KLHDC4: variants seen among roughly 807,000 people sequenced by gnomAD.
KLHDC4 encodes the protein kelch domain-containing protein 4.
A neutral mutation model predicts 62.4 loss-of-function variants in KLHDC4; 90 were observed. That is an observed-to-expected ratio of 1.44 (90% CI 1.22 to 1.72). The LOEUF is 1.72. KLHDC4 is among the 40% of genes most tolerant of loss of function. The pLI, the probability that KLHDC4 is intolerant of heterozygous loss-of-function variation, is 0.00. For synonymous variants in KLHDC4, 386 were observed against 284.4 expected, an observed-to-expected ratio of 1.36 and a Z score of -3.59; for missense variants, 1,025 against 699.7, an observed-to-expected ratio of 1.47 and a Z score of -5.25.
intron 1 of KLHDC4, among the ~76,000 whole-genome samples, chr16:87,762,939 C>G (rs1314890597): frequency 1.3e-5 from 2 of 152,198 alleles, no homozygotes; most frequent in Non-Finnish European, 2.9e-5. Flanking sequence ...TGGCCTCACT[C>G]TCCAAGATAC....
At chr16:87,715,351 C>G (rs1396947547) in intron 7 of KLHDC4, among the ~76,000 whole-genome samples, 1 of 152,204 alleles carries the variant, frequency 6.6e-6, no homozygotes, top group African/African-American at 2.4e-5. Context: ...CACCAATGTC[C>G]TCCCAGCATG....
intron 5 of KLHDC4, among the ~76,000 whole-genome samples, chr16:87,744,498 G>C (rs2042732738): frequency 6.6e-6 from 1 of 151,612 alleles, no homozygotes; most frequent in African/African-American, 2.4e-5. Flanking sequence ...CACAAGAATG[G>C]CTTGAACCAG....
rs141988753 is a variant in KLHDC4, at chr16:87,711,226, T to C, written c.1044+9A>G. On this transcript the variant is annotated intron_variant, in intron 9 of 11. Coordinates refer to ENST00000270583, the MANE Select transcript of KLHDC4 (RefSeq NM_017566.4). ...CACCACGGCGCATGCTACTCAGAGG[T>C]TGCACTACCTTCAGCTGTCCCTCAA... 312 of 1,613,730 alleles carry C rather than the reference T, an allele frequency of 1.9e-4. 1 individual carries two copies. The African/African-American group carries it at 3.7e-3, about 19-fold the overall frequency.
rs867706736 is a variant in KLHDC4, at chr16:87,718,306, C to T, written c.760-3733G>A. ...CTCGCTCTCCCTCTCCCTCTCCCTC[C>T]CCCTCTCCCTCCCCCTCCCTCTCCC... On this transcript the variant is annotated intron_variant, in intron 7 of 11. Coordinates refer to ENST00000270583, the MANE Select transcript of KLHDC4 (RefSeq NM_017566.4). Among the ~76,000 whole-genome samples, 93 of 85,078 alleles carry T rather than the reference C, an allele frequency of 1.1e-3. 1 individual carries two copies. Among genetic ancestry groups the T allele is most frequent in the African/African-American group, 2.5e-3 (47 of 18,870 alleles). 55.8% of individuals were successfully genotyped at this position (85,078 alleles called of 152,430 possible).
At position 87,748,767 on chromosome 16, in the gene KLHDC4, C is replaced by T. The variant is rs1567796313; in HGVS notation, c.412G>A (p.Gly138Arg). The change falls in exon 5 of 12, where the codon GGA (glycine) becomes AGA (arginine). Residue 138 changes from glycine (G) to arginine (R), a missense_variant. Coordinates refer to ENST00000270583, the MANE Select transcript of KLHDC4 (RefSeq NM_017566.4). ...CCGTTGGGAGAGGCAAACTCCCCTC[C>T]AAAGACCCACAGCTGTCCGCCACCT... ...PQGGGQLWVF[G>R]GEFASPNGEQ... The T allele has an allele frequency of 2.5e-6, 4 of 1,613,222 alleles. No individual in the cohort carries two copies. The South Asian group carries it at 4.4e-5, about 18-fold the overall frequency.
At chr16:87,715,654 C>A (rs1285803443) in intron 7 of KLHDC4, among the ~76,000 whole-genome samples, 2 of 152,160 alleles carry the variant, frequency 1.3e-5, no homozygotes, top group Non-Finnish European at 1.5e-5. Flanking sequence ...TCTCATTAGA[C>A]TGGGGTTATG....
chr16:87,748,740 C>G lies in KLHDC4; in HGVS notation c.439G>C (p.Glu147Gln). The part of the protein sequence containing the change: ...FGGEFASPNG[E>Q]QFYHYKDLWV... ...AGATCCTTGTAGTGGTAGAACTGCT[C>G]TCCGTTGGGAGAGGCAAACTCCCCT... The change falls in exon 5 of 12, where the codon GAG (glutamate) becomes CAG (glutamine). Residue 147 changes from glutamate to glutamine, a missense_variant. Transcript: ENST00000270583. The G allele has an allele frequency of 6.2e-7, 1 of 1,613,548 alleles. No homozygotes were observed.
At chr16:87,736,922 C>T (rs898650279) in intron 5 of KLHDC4, among the ~76,000 whole-genome samples, 5 of 151,350 alleles carry the variant, frequency 3.3e-5, no homozygotes, top group African/African-American at 4.9e-5. Flanking sequence ...GTCAGGAGTT[C>T]GAGACCAGCC....
chr16:87,752,089 CAAAAAAAAAAAA>C (rs1173625123), intron 4 of KLHDC4, among the ~76,000 whole-genome samples: 5 of 29,462 alleles, frequency 1.7e-4, no homozygotes, highest in African/African-American at 1.7e-4. Context: ...GACTTTGTCT[CAAAAAAAAAAAA>C]AAAAAAAAAA....
chr16:87,746,819 T>C (rs2043108949), intron 5 of KLHDC4, among the ~76,000 whole-genome samples: 1 of 152,230 alleles, frequency 6.6e-6, no homozygotes, highest in Non-Finnish European at 1.5e-5. Flanking sequence ...AAAAGTCTAA[T>C]AGCTTCTACA....
Position 87,756,482 on chromosome 16 carries a change from A to G in KLHDC4, c.192-5T>C. On this transcript the variant is annotated splice_region_variant and splice_polypyrimidine_tract_variant and intron_variant, in intron 2 of 11. Transcript: ENST00000270583. ...ACCGAGAGGGAGGCATTTAACCTAC[A>G]AGACACACAAGCGGCAGGTCAGCAA... is the stretch of plus-strand genomic sequence containing the variant. The G allele has an allele frequency of 3.7e-6, 6 of 1,612,140 alleles. No homozygotes were observed. The highest frequency in any genetic ancestry group is 1.7e-5 in the Admixed American group (1 of 59,990).
chr16:87,720,727 G>T (rs753242547), intron 7 of KLHDC4, among the ~76,000 whole-genome samples: 2 of 152,238 alleles, frequency 1.3e-5, no homozygotes, highest in Non-Finnish European at 2.9e-5. Flanking sequence ...GTCGGTTACG[G>T]TTAGCATCAC....
intron 5 of KLHDC4, among the ~76,000 whole-genome samples, chr16:87,739,598 G>A (rs112294107): frequency 2.6e-5 from 3 of 116,042 alleles, no homozygotes; most frequent in East Asian, 2.8e-4. Flanking sequence ...ACACCAGCAC[G>A]TCATCCATCC....
rs201340941 is a variant in KLHDC4 at position 87,726,856 on chromosome 16, G to A, written c.668C>T (p.Pro223Leu). ...TCTGGGTGTGGGCCCCGTCCCTGAC[G>A]GGGACAGCTTGCTCCATGTGAAGGT... is the stretch of plus-strand genomic sequence containing the variant. ...LDTFTWSKLSPSGTGPTPRSG... is the reference protein window; with the variant it reads ...LDTFTWSKLSLSGTGPTPRSG... The change falls in exon 7 of 12, where the codon CCG (proline) becomes CTG (leucine). Residue 223 changes from proline to leucine, a missense_variant. Pro to Leu is a moderately conservative substitution (Grantham distance 98, BLOSUM62 -3). Coordinates refer to ENST00000270583, the MANE Select transcript of KLHDC4 (RefSeq NM_017566.4). The A allele has an allele frequency of 5.0e-6, 8 of 1,613,326 alleles. No homozygotes were observed. Among genetic ancestry groups the A allele is most frequent in the Non-Finnish European group, 6.8e-6 (8 of 1,179,764 alleles).
chr16:87,698,285 CTG>C (rs1315337640), exon 1 of KLHDC4: 3 of 152,230 alleles, frequency 2.0e-5, no homozygotes, highest in African/African-American at 7.2e-5. Context: ...TTCTAAAGGG[CTG>C]TGACATTTTT....
In KLHDC4 at chr16:87,730,718, C is replaced by A. The variant is rs542198885; in HGVS notation, c.507-74G>T. ...TTGTTCTAAAGACGACAACAACAAA[C>A]AAAATCCAATTTTTACACTGATTTC... On this transcript the variant is annotated intron_variant, in intron 5 of 11. Coordinates refer to ENST00000270583, the MANE Select transcript of KLHDC4 (RefSeq NM_017566.4). 5.4e-6 allele frequency: 7 copies of A among 1,294,736 alleles called. No individual in the cohort carries two copies. In the African/African-American group the frequency reaches 1.0e-4, roughly 19 times the overall value. The allele number at this position is 1,294,736 out of a possible 1,614,324, so 80.2% of individuals were successfully genotyped here.
intron 5 of KLHDC4, among the ~76,000 whole-genome samples, chr16:87,745,892 C>G (rs1212597404): frequency 6.6e-6 from 1 of 152,188 alleles, no homozygotes; most frequent in Admixed American, 6.5e-5. Flanking sequence ...CTGAATAAGG[C>G]TCAACATTAG....
At chr16:87,718,163 G>A (rs1187784392) in intron 7 of KLHDC4, among the ~76,000 whole-genome samples, 1 of 152,186 alleles carries the variant, frequency 6.6e-6, no homozygotes, top group African/African-American at 2.4e-5. Flanking sequence ...TTCAAAGAAA[G>A]TAACAGACAA....
At chr16:87,710,540 T>C (rs1164790771) in intron 9 of KLHDC4, 2 of 152,046 alleles carry the variant, frequency 1.3e-5, no homozygotes, top group Non-Finnish European at 2.9e-5. Context: ...CTAGCTGGGG[T>C]CAACACGCTC....
Sources: allele counts gnomAD v4.1 joint callset (sites outside exome capture counted in the v4.1 genomes callset), GRCh38; gene constraint gnomAD v4.1.1; transcripts MANE v1.5; gene names NCBI Gene and HGNC (gene_info 2026-07-23, HGNC 2026-07-21).